PPP1R37: variants seen among roughly 807,000 people sequenced by gnomAD.
PPP1R37 encodes the protein protein phosphatase 1 regulatory subunit 37.
A neutral mutation model predicts 61.0 loss-of-function variants in PPP1R37; 21 were observed. The ratio of observed to expected loss-of-function variants is 0.34; its 90% CI spans 0.24 to 0.50. The LOEUF (loss-of-function observed/expected upper bound fraction) is 0.50, where lower values mean the gene tolerates loss of function less well. Ranked by LOEUF, PPP1R37 falls within the 20% of genes least tolerant of loss-of-function variation. The probability of loss-of-function intolerance (pLI) is 0.98; values close to 1 mark genes in which losing one functional copy is unlikely to be tolerated. For missense variants in PPP1R37, 910 were observed against 952.7 expected, an observed-to-expected ratio of 0.96 and a Z score of 0.59; for synonymous variants, 443 against 433.5, an observed-to-expected ratio of 1.02 and a Z score of -0.27.
At chr19:45,144,117 C>T (rs1330169375) in intron 8 of PPP1R37, 1 of 153,004 alleles carries the variant, frequency 6.5e-6, no homozygotes, top group Non-Finnish European at 1.5e-5. Context: ...GGGTTCACAC[C>T]ATTGTCCTGC....
At position 45,142,362 on chromosome 19, in the gene PPP1R37, A is replaced by G. The variant is rs1198882577; in HGVS notation, c.778A>G (p.Asn260Asp). 1.3e-6 allele frequency: 2 copies of G among 1,535,590 alleles called. No individual in the cohort carries two copies. Among genetic ancestry groups the G allele is most frequent in the East Asian group, 4.9e-5 (2 of 40,918 alleles). The stretch of plus-strand genomic sequence containing the variant: ...GCTGTACCTGGCGGACAACAAGCTC[A>G]ACGGCCTGCAGGACTCGGCCCAGCT... ...RELYLADNKLNGLQDSAQLGN... is the reference protein window; with the variant it reads ...RELYLADNKLDGLQDSAQLGN... Residue 260 changes from asparagine to aspartate, a missense_variant, in exon 7 of 13, where the codon AAC (asparagine) becomes GAC (aspartate). Asn to Asp is a conservative substitution (Grantham distance 23). Around this residue, in one of 3 missense-constraint regions of PPP1R37, gnomAD observed 280 missense variants for 382.2 expected, o/e 0.73. Transcript: ENST00000221462.
chr19:45,097,526 A>G (rs75788243), intron 1 of PPP1R37, among the ~76,000 whole-genome samples: 16,846 of 151,590 alleles, frequency 0.11, 1,309 homozygotes, highest in Non-Finnish European at 0.17. Flanking sequence ...GGGGGTGTCT[A>G]CCTGAGGGTG....
At chr19:45,102,138 G>C (rs1968072304) in intron 1 of PPP1R37, among the ~76,000 whole-genome samples, 1 of 152,238 alleles carries the variant, frequency 6.6e-6, no homozygotes, top group Admixed American at 6.5e-5. Flanking sequence ...CACCTCCACA[G>C]TCCCTTCAGG....
intron 1 of PPP1R37, among the ~76,000 whole-genome samples, chr19:45,095,379 T>C (rs1341468451): frequency 6.7e-6 from 1 of 148,710 alleles, no homozygotes; most frequent in African/African-American, 2.6e-5. Context: ...TCAGGTGATC[T>C]GCCCACTTAA....
chr19:45,114,208 A>T (rs1004303926), intron 1 of PPP1R37, among the ~76,000 whole-genome samples: 1 of 152,370 alleles, frequency 6.6e-6, no homozygotes, highest in South Asian at 2.1e-4. Flanking sequence ...TTGAGTTATC[A>T]GGGCCAGAAT....
At position 45,093,479 on chromosome 19, in the gene PPP1R37, G is replaced by C; in HGVS notation, c.154G>C (p.Glu52Gln). 2.6e-6 allele frequency: 4 copies of C among 1,535,478 alleles called. No individual in the cohort carries two copies. Among genetic ancestry groups the C allele is most frequent in the Non-Finnish European group, 3.5e-6 (4 of 1,146,704 alleles). ...AAKRVTFPSDEDIVSGAVEPK... is the reference protein window; with the variant it reads ...AAKRVTFPSDQDIVSGAVEPK... Reference sequence around the variant, plus strand: ...CAAGCGCGTCACATTCCCGTCCGACGAGGATATCGTGTCTGGAGCAGTGGA... The same window carrying C: ...CAAGCGCGTCACATTCCCGTCCGACCAGGATATCGTGTCTGGAGCAGTGGA... The change falls in exon 1 of 13, where the codon GAG becomes CAG. Residue 52 changes from glutamate to glutamine, a missense_variant. By Grantham distance (29) the Glu-to-Gln change is conservative. Around this residue, in one of 3 missense-constraint regions of PPP1R37, gnomAD observed 280 missense variants for 382.2 expected, o/e 0.73. Transcript: ENST00000221462.
At chr19:45,099,156 G>A (rs1021487964) in intron 1 of PPP1R37, among the ~76,000 whole-genome samples, 3 of 152,062 alleles carry the variant, frequency 2.0e-5, no homozygotes, top group Admixed American at 6.5e-5. Context: ...TTTCCTGCCC[G>A]TGTTGTGTAT....
At chr19:45,117,849 C>T (rs911805736) in intron 1 of PPP1R37, among the ~76,000 whole-genome samples, 1 of 152,220 alleles carries the variant, frequency 6.6e-6, no homozygotes, top group Non-Finnish European at 1.5e-5. Context: ...AGCCAGTGCT[C>T]GTCCTTGGCA....
At chr19:45,097,368 A>G (rs900013761) in intron 1 of PPP1R37, among the ~76,000 whole-genome samples, 2 of 151,980 alleles carry the variant, frequency 1.3e-5, no homozygotes, top group Non-Finnish European at 2.9e-5. Flanking sequence ...GTGCCGTGCT[A>G]GAGATGGAGC....
At chr19:45,140,632 T>A in intron 4 of PPP1R37, 26 bp downstream of exon 4, 2 of 1,514,204 alleles carry the variant, frequency 1.3e-6, no homozygotes, top group South Asian at 1.2e-5. Context: ...ACCGCCCACT[T>A]GGCTCCCTGA....
intron 1 of PPP1R37, among the ~76,000 whole-genome samples, chr19:45,127,217 C>CGTGTG (rs1477313474): frequency 2.6e-5 from 4 of 152,140 alleles, no homozygotes; most frequent in East Asian, 1.9e-4. Flanking sequence ...GGCGTGGTGG[C>CGTGTG]GTGTGCCTGT....
intron 1 of PPP1R37, among the ~76,000 whole-genome samples, chr19:45,135,822 A>C (rs1008710786): frequency 7.9e-6 from 1 of 125,820 alleles, no homozygotes. Context: ...GGCTCTTGTC[A>C]CCCAGGCTGG....
chr19:45,127,698 C>T (rs925288015), intron 1 of PPP1R37, among the ~76,000 whole-genome samples: 2 of 152,036 alleles, frequency 1.3e-5, no homozygotes, highest in East Asian at 1.9e-4. Flanking sequence ...ATGTTTGGGC[C>T]GGGCGCGGTG....
chr19:45,119,327 G>GT (rs1968310522), intron 1 of PPP1R37, among the ~76,000 whole-genome samples: 1 of 151,940 alleles, frequency 6.6e-6, no homozygotes, highest in African/African-American at 2.4e-5. Flanking sequence ...GCTAATTTTT[G>GT]TATTTTGTAG....
At chr19:45,126,442 T>A (rs762566145) in intron 1 of PPP1R37, among the ~76,000 whole-genome samples, 2 of 152,088 alleles carry the variant, frequency 1.3e-5, no homozygotes, top group Non-Finnish European at 2.9e-5. Flanking sequence ...GGAGCAGGGA[T>A]TGGAACCCAG....
chr19:45,119,058 C>G (rs963318034), intron 1 of PPP1R37, among the ~76,000 whole-genome samples: 3 of 151,970 alleles, frequency 2.0e-5, no homozygotes, highest in Non-Finnish European at 4.4e-5. Context: ...GGTGTGATCT[C>G]ACTCACTGCA....
chr19:45,103,913 C>G (rs1386396961), intron 1 of PPP1R37, among the ~76,000 whole-genome samples: 1 of 152,100 alleles, frequency 6.6e-6, no homozygotes, highest in African/African-American at 2.4e-5. Flanking sequence ...CAGAAAGCCC[C>G]CAGGGCTCCA....
At position 45,146,455 on chromosome 19, in the gene PPP1R37, G is replaced by A. The variant is rs150189651; in HGVS notation, c.2059G>A (p.Gly687Arg). The change falls in exon 12 of 13, where the codon GGG (glycine) becomes AGG (arginine). Residue 687 changes from glycine to arginine, a missense_variant. Physicochemically the swap from Gly to Arg is moderately radical, Grantham distance 125. This residue lies in a region of PPP1R37 where 549 missense variants were observed against 505.1 expected (regional missense o/e 1.09). Transcript: ENST00000221462. ...GCTTCTGGAAGCCAGTCAGGAATCC[G>A]GGCAGGAGACACTGTGACACTTTAG... ...ELLLEASQES[G>R]QETL 1.1e-5 allele frequency: 17 copies of A among 1,535,676 alleles called. No individual in the cohort carries two copies. Among genetic ancestry groups the A allele is most frequent in the African/African-American group, 1.1e-4 (8 of 73,154 alleles).
chr19:45,139,956 C>T (rs980417861), intron 2 of PPP1R37, among the ~76,000 whole-genome samples: 1 of 152,260 alleles, frequency 6.6e-6, no homozygotes. Context: ...ATGCTGGGCC[C>T]ACTCCCTCAC....
Sources: gnomAD v4.1 joint callset for allele counts (sites outside exome capture counted in the v4.1 genomes callset) on GRCh38, gnomAD v4.1.1 for gene constraint, gnomAD v4.1.1 regional missense constraint, MANE v1.5 for transcripts, NCBI Gene and HGNC (gene_info 2026-07-23, HGNC 2026-07-21) for gene names.